Variants in RAVER2 observed in about 807,000 individuals in gnomAD.
The protein encoded by RAVER2 is ribonucleoprotein, PTB binding 2.
Under a neutral mutation model 78.1 loss-of-function variants are expected in RAVER2, and 46 were observed. The ratio of observed to expected loss-of-function variants is 0.59; its 90% CI spans 0.46 to 0.75. RAVER2 has a LOEUF of 0.75. RAVER2 is among the 30% of genes least tolerant of loss of function. The pLI is 0.00. For missense variants in RAVER2, 793 were observed against 837.5 expected, an observed-to-expected ratio of 0.95 and a Z score of 0.66; for synonymous variants, 311 against 313.3, an observed-to-expected ratio of 0.99 and a Z score of 0.08.
intron 1 of RAVER2, among the ~76,000 whole-genome samples, chr1:64,751,261 A>G (rs577159361): frequency 1.6e-4 from 25 of 152,192 alleles, no homozygotes; most frequent in Non-Finnish European, 3.1e-4. Context: ...TTAAGTTATG[A>G]TTGTTTATTA....
intron 11 of RAVER2, among the ~76,000 whole-genome samples, chr1:64,820,055 T>G (rs1653848040): frequency 6.6e-6 from 1 of 152,192 alleles, no homozygotes; most frequent in Admixed American, 6.5e-5. Flanking sequence ...ATAGCAATAG[T>G]GTAAAGGACA....
chr1:64,805,247 G>A, intron 8 of RAVER2, 142 bp downstream of exon 8: 1 of 729,666 alleles, frequency 1.4e-6, no homozygotes, highest in Non-Finnish European at 2.2e-6. Context: ...AACCCTCTTG[G>A]CTTTTCGATT....
chr1:64,765,485 T>C (rs1205145642), intron 1 of RAVER2, among the ~76,000 whole-genome samples: 1 of 151,944 alleles, frequency 6.6e-6, no homozygotes, highest in Non-Finnish European at 1.5e-5. Context: ...TAATATTGAG[T>C]CTAAGAATCA....
At chr1:64,820,545 T>C (rs1217604670) in intron 11 of RAVER2, among the ~76,000 whole-genome samples, 6 of 152,200 alleles carry the variant, frequency 3.9e-5, no homozygotes, top group African/African-American at 1.2e-4. Context: ...TTATCTTTTC[T>C]GCTGCTCTCC....
intron 2 of RAVER2, among the ~76,000 whole-genome samples, chr1:64,770,396 C>T (rs1422251665): frequency 6.6e-6 from 1 of 152,014 alleles, no homozygotes; most frequent in Admixed American, 6.6e-5. Context: ...CAATGATGCT[C>T]TTGTCCTACC....
intron 10 of RAVER2, among the ~76,000 whole-genome samples, chr1:64,813,461 T>C (rs1653676028): frequency 6.6e-6 from 1 of 152,200 alleles, no homozygotes; most frequent in Non-Finnish European, 1.5e-5. Flanking sequence ...TTGGCAAATA[T>C]ATGCATAAAA....
At chr1:64,811,545 C>G (rs1653606621) in intron 9 of RAVER2, among the ~76,000 whole-genome samples, 1 of 152,136 alleles carries the variant, frequency 6.6e-6, no homozygotes, top group Non-Finnish European at 1.5e-5. Flanking sequence ...CTGTTGTCCA[C>G]CATTTCAGAC....
At chr1:64,750,237 G>A (rs1651659977) in intron 1 of RAVER2, among the ~76,000 whole-genome samples, 1 of 151,640 alleles carries the variant, frequency 6.6e-6, no homozygotes, top group East Asian at 1.9e-4. Context: ...ACAACCAAAT[G>A]TAAGAAACTC....
At position 64,745,174 on chromosome 1, in the gene RAVER2, TGGCGGC is replaced by T. The variant is rs960918085; in HGVS notation, c.11_16del (p.AlaAla4_?5). The T allele has an allele frequency of 9.8e-7, 1 of 1,015,394 alleles. No homozygotes were observed. Among genetic ancestry groups the T allele is most frequent in the Non-Finnish European group, 1.2e-6 (1 of 851,502 alleles). The allele number at this position is 1,015,394 out of a possible 1,614,324, so 62.9% of individuals were successfully genotyped here. ...CGCAGCCGCTGGGCGCCCGGGAAGA[TGGCGGC>T]GGCGGCGGGAGACGGCGGCGGCGAG... On this transcript the variant is annotated start_lost and inframe_deletion, in exon 1 of 12. Coordinates refer to ENST00000294428, the Ensembl canonical transcript of RAVER2. The surrounding 1 kb of genome is among the most constrained non-coding windows in gnomAD (Gnocchi z 4.3).
intron 5 of RAVER2, among the ~76,000 whole-genome samples, chr1:64,793,995 C>T (rs1653020881): frequency 6.6e-6 from 1 of 152,156 alleles, no homozygotes; most frequent in Admixed American, 6.5e-5. Context: ...CAAATAAAAT[C>T]TCTATGGACA....
chr1:64,811,494 C>T (rs1018009053), intron 9 of RAVER2, among the ~76,000 whole-genome samples: 7 of 152,118 alleles, frequency 4.6e-5, no homozygotes, highest in East Asian at 3.8e-4. Flanking sequence ...AAGAAAAATT[C>T]GAATTGCTTG....
At chr1:64,753,608 C>T (rs1651766400) in intron 1 of RAVER2, among the ~76,000 whole-genome samples, 1 of 149,688 alleles carries the variant, frequency 6.7e-6, no homozygotes, top group Admixed American at 6.7e-5. Flanking sequence ...ACTGTAACCT[C>T]CGCCTCCCAG....
intron 11 of RAVER2, among the ~76,000 whole-genome samples, chr1:64,822,836 A>T (rs1168974883): frequency 6.6e-6 from 1 of 152,234 alleles, no homozygotes; most frequent in Non-Finnish European, 1.5e-5. Context: ...TATCCACGTG[A>T]TGGAATATTA....
chr1:64,761,326 G>C (rs1652013758), intron 1 of RAVER2, among the ~76,000 whole-genome samples: 1 of 152,084 alleles, frequency 6.6e-6, no homozygotes. Flanking sequence ...GACTGCGTTG[G>C]GCCCCCCCCA....
At chr1:64,762,869 T>C (rs1652059319) in intron 1 of RAVER2, among the ~76,000 whole-genome samples, 1 of 152,294 alleles carries the variant, frequency 6.6e-6, no homozygotes, top group South Asian at 2.1e-4. Flanking sequence ...GAAAAGAAGA[T>C]ATTATATGAT....
chr1:64,745,742 A>G lies in RAVER2; in HGVS notation c.249+321A>G, dbSNP rs2100793622. On this transcript the variant is annotated intron_variant, in intron 1 of 11. Transcript: ENST00000294428. This position sits in a 1 kb window ranked among gnomAD's most constrained non-coding sequence, Gnocchi z 4.3. ...CGTAGAGGAGTAGGAGGTGAAGGAG[A>G]GTGGAGGTGAGTTGTGGAGCACACA... 1.4e-5 allele frequency among the ~76,000 whole-genome samples: 2 copies of G among 139,432 alleles called. No homozygotes were observed. The highest frequency in any genetic ancestry group is 4.6e-4 in the South Asian group (2 of 4,372). The allele number at this position is 139,432 out of a possible 152,430, so 91.5% of individuals were successfully genotyped here. A position where few individuals can be genotyped will look rare whatever the true frequency, so the allele number is the denominator to read the frequency against.
exon 4 of RAVER2, chr1:64,781,489 G>A (rs186869355): frequency 6.2e-7 from 1 of 1,614,134 alleles, no homozygotes; most frequent in Non-Finnish European, 8.5e-7. Flanking sequence ...ACCATCAAGG[G>A]CAGCAAAGTC....
chr1:64,747,761 C>T lies in RAVER2; in HGVS notation c.249+2340C>T, dbSNP rs141262858. Among the ~76,000 whole-genome samples the T allele has an allele frequency of 2.4e-3, 370 of 152,196 alleles. 4 individuals carry two copies. The highest frequency in any genetic ancestry group is 8.4e-3 in the African/African-American group (350 of 41,534). ...ACTCCTGACCTCAGGTGATCCCACA[C>T]GCCTCGGCCTCCCAAAGTGCTGAGA... On this transcript the variant is annotated intron_variant, in intron 1 of 11. Transcript: ENST00000294428.
intron 10 of RAVER2, among the ~76,000 whole-genome samples, chr1:64,813,730 C>T (rs1232547348): frequency 1.3e-5 from 2 of 150,592 alleles, no homozygotes; most frequent in East Asian, 3.9e-4. Flanking sequence ...TTCTAGTATA[C>T]CTGTTATATA....
Sources: allele counts gnomAD v4.1 joint callset (sites outside exome capture counted in the v4.1 genomes callset), GRCh38; gene constraint gnomAD v4.1.1; non-coding constraint Gnocchi (gnomAD v3.1); transcripts MANE v1.5; gene names NCBI Gene and HGNC (gene_info 2026-07-23, HGNC 2026-07-21).